SATB2: variants seen among roughly 807,000 people sequenced by gnomAD.
SATB2 encodes the protein SATB homeobox 2.
SATB2 carries 1 observed loss-of-function variant against 73.4 expected under a neutral mutation model. The observed-to-expected ratio is 0.01, with a 90% confidence interval of 0.00 to 0.06. The LOEUF (loss-of-function observed/expected upper bound fraction) is 0.06. Among genes scored for constraint, SATB2 ranks in the 10% least tolerant of loss-of-function variants. The probability of loss-of-function intolerance (pLI) is 1.00; values close to 1 mark genes in which losing one functional copy is unlikely to be tolerated. For synonymous variants in SATB2, 397 were observed against 367.0 expected, an observed-to-expected ratio of 1.08 and a Z score of -0.93; for missense variants, 459 against 945.8, an observed-to-expected ratio of 0.49 and a Z score of 6.75.
intron 3 of SATB2, among the ~76,000 whole-genome samples, chr2:199,410,501 C>T (rs760491669): frequency 9.9e-5 from 15 of 152,174 alleles, no homozygotes; most frequent in Non-Finnish European, 1.8e-4. Context: ...ATCAGAACTC[C>T]ATATTTTCCA....
At chr2:199,458,661 C>A, upstream of SATB2, 1 of 442,582 alleles carries the variant, frequency 2.3e-6, no homozygotes, top group Non-Finnish European at 4.5e-6. Flanking sequence ...CAGACCGACG[C>A]GCAAGAGGCG....
At chr2:199,333,452 G>A (rs1688247077) in intron 7 of SATB2, among the ~76,000 whole-genome samples, 1 of 152,060 alleles carries the variant, frequency 6.6e-6, no homozygotes, top group African/African-American at 2.4e-5. Flanking sequence ...TTTAAATATA[G>A]ATAGTACATG....
At chr2:199,436,407 T>C (rs1393519585) in intron 2 of SATB2, among the ~76,000 whole-genome samples, 1 of 151,558 alleles carries the variant, frequency 6.6e-6, no homozygotes, top group Non-Finnish European at 1.5e-5. Flanking sequence ...AACAATCCCC[T>C]ACTGGCATCA....
At chr2:199,407,947 A>C (rs1690686249) in intron 3 of SATB2, among the ~76,000 whole-genome samples, 1 of 152,214 alleles carries the variant, frequency 6.6e-6, no homozygotes. Context: ...AAAGTAAAAA[A>C]GTTCAGTCCA....
upstream of SATB2, among the ~76,000 whole-genome samples, chr2:199,468,585 G>A (rs894598852): frequency 6.6e-6 from 1 of 152,168 alleles, no homozygotes; most frequent in African/African-American, 2.4e-5. Flanking sequence ...ATCCACTCTC[G>A]CACCTCCTCC....
chr2:199,313,245 A>C (rs1256254313), intron 9 of SATB2, among the ~76,000 whole-genome samples: 3 of 152,208 alleles, frequency 2.0e-5, no homozygotes, highest in Non-Finnish European at 4.4e-5. Context: ...CATTTTTGTG[A>C]GTCTAAAATT....
rs11888713 is a variant in SATB2 at position 199,292,080 on chromosome 2, A to T, written c.1740+16680T>A. 2.1e-3 allele frequency among the ~76,000 whole-genome samples: 325 copies of T among 152,334 alleles called. 1 individual carries two copies. Among genetic ancestry groups the T allele is most frequent in the African/African-American group, 5.5e-3 (228 of 41,574 alleles). ...TATTTGTGAAAAGCAATGCTAAAAA[A>T]AAAACACTTCATAGGGCAGAAAGAG... On this transcript the variant is annotated intron_variant, in intron 10 of 10. Transcript: ENST00000417098.
chr2:199,344,011 A>C (rs1272278201), intron 7 of SATB2, among the ~76,000 whole-genome samples: 1 of 152,236 alleles, frequency 6.6e-6, no homozygotes, highest in Non-Finnish European at 1.5e-5. Flanking sequence ...TCCTTGGCAA[A>C]GTATACACTC....
chr2:199,345,539 C>G (rs1309344125), intron 7 of SATB2, among the ~76,000 whole-genome samples: 1 of 151,966 alleles, frequency 6.6e-6, no homozygotes, highest in East Asian at 1.9e-4. Flanking sequence ...TTACTCCAAC[C>G]ACTCTTTCCA....
intron 6 of SATB2, among the ~76,000 whole-genome samples, chr2:199,350,531 T>C (rs2105825527): frequency 6.6e-6 from 1 of 152,322 alleles, no homozygotes; most frequent in East Asian, 1.9e-4. Flanking sequence ...AAATTAATAC[T>C]TCATGTAATA....
intron 7 of SATB2, among the ~76,000 whole-genome samples, chr2:199,342,765 ATGACCT>A (rs1688543531): frequency 6.6e-6 from 1 of 152,242 alleles, no homozygotes; most frequent in Non-Finnish European, 1.5e-5. Context: ...AGCAGATGCC[ATGACCT>A]TGTCATAAAG....
At chr2:199,431,376 G>A (rs1209110380) in intron 3 of SATB2, among the ~76,000 whole-genome samples, 4 of 152,120 alleles carry the variant, frequency 2.6e-5, no homozygotes. Flanking sequence ...CAGATCAGCA[G>A]CCTAATTTAA....
At chr2:199,451,024 GGAT>G (rs1209657679) in intron 2 of SATB2, among the ~76,000 whole-genome samples, 5 of 151,482 alleles carry the variant, frequency 3.3e-5, no homozygotes, top group Non-Finnish European at 5.9e-5. Context: ...CTCTGGGAAA[GGAT>G]GATATTGCTT....
intron 3 of SATB2, chr2:199,397,877 A>T (rs1232996984): frequency 3.7e-5 from 11 of 298,582 alleles, no homozygotes; most frequent in African/African-American, 9.2e-5. Flanking sequence ...AAAACAAACA[A>T]ACAAACAAAA....
intron 2 of SATB2, among the ~76,000 whole-genome samples, chr2:199,449,564 G>T (rs1344116956): frequency 6.6e-6 from 1 of 152,132 alleles, no homozygotes; most frequent in Non-Finnish European, 1.5e-5. Flanking sequence ...AAGAGCAACG[G>T]AAAATAGCAT....
chr2:199,300,561 G>C (rs1687257107), intron 10 of SATB2, among the ~76,000 whole-genome samples: 1 of 151,926 alleles, frequency 6.6e-6, no homozygotes, highest in African/African-American at 2.4e-5. Context: ...AGCAATTTTA[G>C]TGGTTTCTGA....
At chr2:199,323,706 G>GTTATTA in intron 9 of SATB2, 97 bp downstream of exon 9, 1 of 1,282,152 alleles carries the variant, frequency 7.8e-7, no homozygotes, top group Non-Finnish European at 1.1e-6. Flanking sequence ...GGTTATTACT[G>GTTATTA]TTATTATTAT....
chr2:199,371,302 C>T (rs1345210398), intron 5 of SATB2, among the ~76,000 whole-genome samples: 2 of 152,124 alleles, frequency 1.3e-5, no homozygotes, highest in African/African-American at 2.4e-5. Flanking sequence ...ACACATACCA[C>T]AAGGTCATCT....
chr2:199,454,437 TACTA>T (rs1424989054), intron 2 of SATB2, among the ~76,000 whole-genome samples: 1 of 152,178 alleles, frequency 6.6e-6, no homozygotes, highest in Non-Finnish European at 1.5e-5. Context: ...TATATGCATA[TACTA>T]ACTGATTATG....
Sources: gnomAD v4.1 joint callset for allele counts (sites outside exome capture counted in the v4.1 genomes callset) on GRCh38, gnomAD v4.1.1 for gene constraint, MANE v1.5 for transcripts, NCBI Gene and HGNC (gene_info 2026-07-23, HGNC 2026-07-21) for gene names.